The following HNF4G variants were observed in gnomAD, a reference collection of about 807,000 sequenced individuals.
HNF4G encodes hepatocyte nuclear factor 4 gamma, also known as hepatocyte nuclear factor 4-gamma.
A neutral mutation model predicts 50.9 loss-of-function variants in HNF4G; 21 were observed. The observed-to-expected ratio is 0.41, with a 90% CI of 0.29 to 0.59. HNF4G has a LOEUF of 0.59. HNF4G is among the 20% of genes least tolerant of loss of function. The probability of loss-of-function intolerance (pLI) is 0.26; values close to 1 mark genes in which losing one functional copy is unlikely to be tolerated. For synonymous variants in HNF4G, 198 were observed against 185.6 expected (o/e 1.07, Z -0.54); for missense variants, 527 against 559.4 (o/e 0.94, Z 0.58).
chr8:75,499,527 C>G (rs1349174932), intron 2 of HNF4G, among the ~76,000 whole-genome samples: 1 of 151,798 alleles, frequency 6.6e-6, no homozygotes, highest in Non-Finnish European at 1.5e-5. Flanking sequence ...CCTTGACAAG[C>G]TGATAATAAA....
chr8:75,557,002 C>T (rs983077989), intron 6 of HNF4G, among the ~76,000 whole-genome samples: 21 of 152,074 alleles, frequency 1.4e-4, no homozygotes, highest in Non-Finnish European at 2.4e-4. Flanking sequence ...GGTCACAAAG[C>T]TAGAAAATAA....
chr8:75,465,287 T>A (rs1811944002), intron 1 of HNF4G, among the ~76,000 whole-genome samples: 2 of 152,176 alleles, frequency 1.3e-5, no homozygotes, highest in Non-Finnish European at 2.9e-5. Flanking sequence ...ATTTCATAAA[T>A]CATGGTTGTC....
intron 1 of HNF4G, among the ~76,000 whole-genome samples, chr8:75,480,711 CTTTTTCTTTCTTT>C (rs1812354664): frequency 2.0e-5 from 2 of 98,760 alleles, no homozygotes; most frequent in African/African-American, 4.4e-5. Flanking sequence ...ATTTCTTTTT[CTTTTTCTTTCTTT>C]TTTTTTTTTT....
chr8:75,447,603 C>G (rs569853303), intron 1 of HNF4G, among the ~76,000 whole-genome samples: 1 of 151,678 alleles, frequency 6.6e-6, no homozygotes, highest in Non-Finnish European at 1.5e-5. Context: ...ACAAACAACC[C>G]CATCAAAAAG....
At chr8:75,439,010 C>T (rs891576520) in intron 1 of HNF4G, among the ~76,000 whole-genome samples, 1 of 151,924 alleles carries the variant, frequency 6.6e-6, no homozygotes, top group African/African-American at 2.4e-5. Context: ...TAGTACTGCA[C>T]CGTGCATGTG....
chr8:75,541,847 G>A (rs1806630846), intron 1 of HNF4G, among the ~76,000 whole-genome samples: 3 of 151,602 alleles, frequency 2.0e-5, no homozygotes, highest in Non-Finnish European at 4.4e-5. Context: ...CTGTATCCTG[G>A]GCATAATCCT....
At chr8:75,411,942 A>C (rs1810513775) in intron 1 of HNF4G, among the ~76,000 whole-genome samples, 1 of 152,188 alleles carries the variant, frequency 6.6e-6, no homozygotes, top group Admixed American at 6.5e-5. Flanking sequence ...TGGCACATTG[A>C]GTACCAGGTA....
In HNF4G at chr8:75,553,804, C is replaced by CGT. The variant is rs1807037507; in HGVS notation, c.645+607_645+608insGT. On this transcript the variant is annotated intron_variant, in intron 5 of 9. Coordinates refer to ENST00000396423, the MANE Select transcript of HNF4G (RefSeq NM_004133.5). ...TTATAGAGAAATAAAATTTACACAA[C>CGT]AAAAGATAGAGTGATCTTTTACTAA... Among the ~76,000 whole-genome samples, 9 of 152,126 alleles carry CGT rather than the reference C, an allele frequency of 5.9e-5. No homozygotes were observed. In the South Asian group the frequency reaches 1.9e-3, roughly 32 times the overall value.
chr8:75,556,027 G>A lies in HNF4G; in HGVS notation c.691G>A (p.Ala231Thr). ...AHAGEHLLLG[A>T]TKRSMMYKDI... ...CGCAGGGGAGCACTTACTGCTTGGA[G>A]CTACAAAGAGATCCATGATGTATAA... The change falls in exon 6 of 10, where the codon GCT (alanine) becomes ACT (threonine). Residue 231 changes from alanine (A) to threonine (T), a missense_variant. Around this residue, in one of 5 missense-constraint regions of HNF4G, gnomAD observed 308 missense variants for 301.5 expected, o/e 1.02. Coordinates refer to ENST00000396423, the MANE Select transcript of HNF4G (RefSeq NM_004133.5). The A allele has an allele frequency of 6.3e-7, 1 of 1,586,520 alleles. No homozygotes were observed. Among genetic ancestry groups the A allele is most frequent in the Non-Finnish European group, 8.6e-7 (1 of 1,165,846 alleles).
At chr8:75,480,620 C>T (rs1035065722) in intron 1 of HNF4G, among the ~76,000 whole-genome samples, 9 of 151,952 alleles carry the variant, frequency 5.9e-5, no homozygotes, top group Non-Finnish European at 1.3e-4. Flanking sequence ...AAGTGTTATA[C>T]ATATTACTAC....
intron 2 of HNF4G, among the ~76,000 whole-genome samples, chr8:75,511,549 G>A (rs1805750990): frequency 1.3e-5 from 2 of 152,192 alleles, no homozygotes; most frequent in Non-Finnish European, 2.9e-5. Context: ...TGACATCCAT[G>A]AGTATGGTAT....
chr8:75,415,939 G>C (rs765998274), intron 1 of HNF4G, among the ~76,000 whole-genome samples: 1 of 152,002 alleles, frequency 6.6e-6, no homozygotes, highest in African/African-American at 2.4e-5. Context: ...GATAAAGTTT[G>C]GGTTGTATAC....
At chr8:75,495,555 T>TA (rs1812746582) in intron 2 of HNF4G, 2 of 150,076 alleles carry the variant, frequency 1.3e-5, no homozygotes, top group Non-Finnish European at 1.5e-5. Context: ...TTTTTTTTTT[T>TA]AAATACAGAG....
chr8:75,536,586 A>G (rs1324717511), upstream of HNF4G, among the ~76,000 whole-genome samples: 1 of 152,068 alleles, frequency 6.6e-6, no homozygotes, highest in Non-Finnish European at 1.5e-5. Flanking sequence ...ACTGAATTTT[A>G]ATGTGAATAT....
chr8:75,413,994 C>A (rs1164302190), intron 1 of HNF4G, among the ~76,000 whole-genome samples: 1 of 151,970 alleles, frequency 6.6e-6, no homozygotes, highest in Non-Finnish European at 1.5e-5. Context: ...AATATAAATT[C>A]TTTATTTTTA....
At chr8:75,455,642 A>T (rs1331562406) in intron 1 of HNF4G, among the ~76,000 whole-genome samples, 1 of 152,184 alleles carries the variant, frequency 6.6e-6, no homozygotes. Flanking sequence ...AAATCATTTC[A>T]GTTCTGTTTG....
chr8:75,528,051 A>G (rs1806228433), intron 2 of HNF4G, among the ~76,000 whole-genome samples: 1 of 152,200 alleles, frequency 6.6e-6, no homozygotes, highest in East Asian at 1.9e-4. Context: ...TTCATGTGAG[A>G]GTGCATAATT....
At chr8:75,550,008 G>A (rs189146837) in intron 3 of HNF4G, among the ~76,000 whole-genome samples, 23 of 152,122 alleles carry the variant, frequency 1.5e-4, no homozygotes, top group African/African-American at 4.8e-4. Flanking sequence ...CAAACCCACA[G>A]ACAACTCACT....
intron 2 of HNF4G, among the ~76,000 whole-genome samples, chr8:75,519,652 C>T (rs1012747091): frequency 2.6e-5 from 4 of 152,184 alleles, no homozygotes; most frequent in African/African-American, 9.7e-5. Context: ...GATTCAATTG[C>T]CTCCCACTGG....
Sources: allele counts gnomAD v4.1 joint callset (sites outside exome capture counted in the v4.1 genomes callset), GRCh38; gene constraint gnomAD v4.1.1; regional missense constraint gnomAD v4.1.1; transcripts MANE v1.5; gene names NCBI Gene and HGNC (gene_info 2026-07-23, HGNC 2026-07-21).